Variants in FLNB observed in about 807,000 individuals in gnomAD.
The protein encoded by FLNB is filamin B, also known as filamin-B.
A neutral mutation model predicts 250.6 loss-of-function variants in FLNB; 111 were observed. That is an observed-to-expected ratio of 0.44 (90% CI 0.38 to 0.52). The LOEUF is 0.52. Among genes scored for constraint, FLNB ranks in the 20% least tolerant of loss-of-function variants. The probability of loss-of-function intolerance (pLI) is 0.00; values close to 1 mark genes in which losing one functional copy is unlikely to be tolerated. For missense variants in FLNB, 2,869 were observed against 3,447.8 expected (o/e 0.83, Z 4.20); for synonymous variants, 1,302 against 1,372.1 (o/e 0.95, Z 1.13).
At chr3:58,141,338 G>A (rs1308647735) in intron 29 of FLNB, among the ~76,000 whole-genome samples, 3 of 152,226 alleles carry the variant, frequency 2.0e-5, no homozygotes, top group Admixed American at 2.0e-4. Context: ...GAGATGCCTT[G>A]TGTTAGTTTT....
chr3:58,147,598 C>T (rs2097337776), intron 34 of FLNB, among the ~76,000 whole-genome samples: 1 of 152,218 alleles, frequency 6.6e-6, no homozygotes, highest in Non-Finnish European at 1.5e-5. Flanking sequence ...TCATTGTTTA[C>T]CTAGAAATGC....
At chr3:58,053,261 G>A (rs948898840) in intron 1 of FLNB, among the ~76,000 whole-genome samples, 5 of 152,160 alleles carry the variant, frequency 3.3e-5, no homozygotes, top group Admixed American at 6.5e-5. Context: ...TTTTTAGAAA[G>A]TTAGAGCTTA....
Position 58,124,224 on chromosome 3 carries a change from A to G in FLNB, c.3725-108A>G. 4 of 1,115,974 alleles carry G rather than the reference A, an allele frequency of 3.6e-6. No individual in the cohort carries two copies. In the South Asian group the frequency reaches 5.0e-5, roughly 14 times the overall value. The allele number at this position is 1,115,974 out of a possible 1,614,324, so 69.1% of individuals were successfully genotyped here. A position where few individuals can be genotyped will look rare whatever the true frequency, so the allele number is the denominator to read the frequency against. ...AGTTAGAAAAACCAGTTTTCCAGTT[A>G]CTGAAATTGGACTTCATGTGTCCTG... On this transcript the variant is annotated intron_variant, in intron 21 of 45. Coordinates refer to ENST00000295956, the MANE Select transcript of FLNB (RefSeq NM_001457.4).
intron 44 of FLNB, 69 bp downstream of exon 44, chr3:58,168,727 TGGAA>T: frequency 1.5e-5 from 17 of 1,105,392 alleles, no homozygotes; most frequent in Non-Finnish European, 2.2e-5. Flanking sequence ...TCAATCATAG[TGGAA>T]ACTATGGATG....
rs932590792 is a variant in FLNB at position 58,141,098 on chromosome 3, T to A, written c.5110-760T>A. On this transcript the variant is annotated intron_variant, in intron 29 of 45. Transcript: ENST00000295956. ...CCCCATCTCTACCAAAAAAAAAAAA[T>A]AATAATTAGCCTGGTGTGGTGGTGC... 8.7e-5 allele frequency among the ~76,000 whole-genome samples: 13 copies of A among 149,650 alleles called. 1 individual carries two copies. Among genetic ancestry groups the A allele is most frequent in the Admixed American group, 1.3e-4 (2 of 15,058 alleles).
chr3:58,147,399 T>C (rs181140247), intron 34 of FLNB, among the ~76,000 whole-genome samples: 65 of 152,350 alleles, frequency 4.3e-4, no homozygotes, highest in African/African-American at 1.5e-3. Context: ...GGCAAGGTAG[T>C]GGTGTAGCCA....
rs1470944006 is a variant in FLNB at position 58,142,844 on chromosome 3, A to AC, written c.5284+95dup. 1 of 1,131,074 alleles carries AC rather than the reference A, an allele frequency of 8.8e-7. No individual in the cohort carries two copies. Among genetic ancestry groups the AC allele is most frequent in the Non-Finnish European group, 1.3e-6 (1 of 752,786 alleles). 70.1% of individuals were successfully genotyped at this position (1,131,074 alleles called of 1,614,324 possible). On this transcript the variant is annotated intron_variant, in intron 31 of 45. Transcript: ENST00000295956. The surrounding 1 kb of genome is among the most constrained non-coding windows in gnomAD (Gnocchi z 4.3). ...GGGAGGTGTGTCCACTGTCCCCCAG[A>AC]CCCAGGCTCCTTAACCCAGGGTCAC...
intron 4 of FLNB, among the ~76,000 whole-genome samples, chr3:58,083,119 C>T (rs1164377571): frequency 6.6e-6 from 1 of 152,044 alleles, no homozygotes; most frequent in East Asian, 1.9e-4. Context: ...TCTCTATTGT[C>T]CTAAGATTAT....
chr3:58,082,701 G>A (rs1371164973), intron 4 of FLNB, among the ~76,000 whole-genome samples: 1 of 151,712 alleles, frequency 6.6e-6, no homozygotes, highest in Non-Finnish European at 1.5e-5. Flanking sequence ...AACCCAGGAG[G>A]CAGAGGTTGC....
intron 43 of FLNB, 54 bp from the exon 44 acceptor site, chr3:58,168,386 C>G: frequency 7.1e-7 from 1 of 1,407,622 alleles, no homozygotes; most frequent in East Asian, 2.3e-5. Context: ...CCTCAGTGCT[C>G]CCAGGAAAGC....
At chr3:58,020,048 G>GGTGTGTGTGTGTGTGTGTGTGTGTGT (rs373280518) in intron 1 of FLNB, among the ~76,000 whole-genome samples, 2 of 136,904 alleles carry the variant, frequency 1.5e-5, no homozygotes, top group African/African-American at 2.7e-5. Flanking sequence ...ACACCACAGG[G>GGTGTGTGTGTGTGTGTGTGTGTGTGT]GTGTGTGTGT....
intron 8 of FLNB, among the ~76,000 whole-genome samples, chr3:58,101,637 A>G (rs1331607056): frequency 6.6e-6 from 1 of 152,190 alleles, no homozygotes; most frequent in Non-Finnish European, 1.5e-5. Flanking sequence ...GACAGCACGA[A>G]AAGATTGGTC....
rs1131264 is a variant in FLNB, at chr3:58,171,792, G to C, written c.*1030G>C. 82,439 of 152,240 alleles carry C rather than the reference G, an allele frequency of 0.54. 23,640 individuals carry two copies. Among genetic ancestry groups the C allele is most frequent in the East Asian group, 1 (5,164 of 5,186 alleles). The allele number at this position is 152,240 out of a possible 1,614,324, so 9.4% of individuals were successfully genotyped here. A position where few individuals can be genotyped will look rare whatever the true frequency, so the allele number is the denominator to read the frequency against. On this transcript the variant is annotated 3_prime_UTR_variant, in exon 46 of 46. Transcript: ENST00000295956. The surrounding 1 kb of genome is among the most constrained non-coding windows in gnomAD (Gnocchi z 5.5). Reference sequence around the variant, plus strand: ...ACAGGACAGAATGAAACTCCTGCGGGTCTTTGGCCTGAAAGTTGGGAATGG... The same window carrying C: ...ACAGGACAGAATGAAACTCCTGCGGCTCTTTGGCCTGAAAGTTGGGAATGG...
chr3:58,158,613 T>C (rs6787425), intron 41 of FLNB, among the ~76,000 whole-genome samples: 52,544 of 152,104 alleles, frequency 0.35, 10,839 homozygotes, highest in East Asian at 0.91. Context: ...TAAATCAAAA[T>C]TACTGACTTG....
intron 1 of FLNB, among the ~76,000 whole-genome samples, chr3:58,062,606 C>T (rs2097180175): frequency 6.6e-6 from 1 of 152,200 alleles, no homozygotes; most frequent in Admixed American, 6.5e-5. Context: ...AGCAGTGGCC[C>T]CAGCCTGGCC....
chr3:58,118,447 G>A (rs2097282729), intron 18 of FLNB, among the ~76,000 whole-genome samples: 1 of 152,182 alleles, frequency 6.6e-6, no homozygotes, highest in African/African-American at 2.4e-5. Flanking sequence ...CAGATTTGGG[G>A]GCCATGGGTA....
chr3:58,110,532 C>A (rs573687574), intron 16 of FLNB, among the ~76,000 whole-genome samples: 2 of 151,952 alleles, frequency 1.3e-5, no homozygotes, highest in South Asian at 2.1e-4. Context: ...CTCACTGCAA[C>A]CTCTGCCTCC....
At chr3:58,048,949 T>G (rs2097158196) in intron 1 of FLNB, among the ~76,000 whole-genome samples, 1 of 152,268 alleles carries the variant, frequency 6.6e-6, no homozygotes, top group South Asian at 2.1e-4. Flanking sequence ...GAGCATTTGT[T>G]GTCCTGTATA....
At chr3:58,118,115 G>A (rs78736104) in intron 18 of FLNB, among the ~76,000 whole-genome samples, 2 of 152,344 alleles carry the variant, frequency 1.3e-5, no homozygotes, top group East Asian at 1.9e-4. Context: ...GCCTGGAACC[G>A]GCGAGAGGAG....
Sources: allele counts gnomAD v4.1 joint callset (sites outside exome capture counted in the v4.1 genomes callset), GRCh38; gene constraint gnomAD v4.1.1; non-coding constraint Gnocchi (gnomAD v3.1); transcripts MANE v1.5; gene names NCBI Gene and HGNC (gene_info 2026-07-23, HGNC 2026-07-21).